Variants in ANGPTL2 observed in about 807,000 individuals in gnomAD.
The protein encoded by ANGPTL2 is angiopoietin like 2.
A neutral mutation model predicts 52.8 loss-of-function variants in ANGPTL2; 25 were observed. The ratio of observed to expected loss-of-function variants is 0.47; its 90% CI spans 0.35 to 0.66. ANGPTL2 has a LOEUF of 0.66. Ranked by LOEUF, ANGPTL2 falls within the 30% of genes least tolerant of loss-of-function variation. The pLI is 0.01. For synonymous variants in ANGPTL2, 276 were observed against 277.4 expected, an observed-to-expected ratio of 1.00 and a Z score of 0.05; for missense variants, 546 against 656.9, an observed-to-expected ratio of 0.83 and a Z score of 1.84.
chr9:127,101,262 C>A (rs752098249), intron 2 of ANGPTL2, among the ~76,000 whole-genome samples: 8 of 152,228 alleles, frequency 5.3e-5, no homozygotes, highest in Non-Finnish European at 7.3e-5. Flanking sequence ...AGCCCCTGCA[C>A]CTGTGAGAAA....
At chr9:127,109,712 A>C (rs958138890) in intron 1 of ANGPTL2, among the ~76,000 whole-genome samples, 1 of 152,254 alleles carries the variant, frequency 6.6e-6, no homozygotes, top group African/African-American at 2.4e-5. Flanking sequence ...CTAGGGATAC[A>C]GCTACCAACA....
intron 1 of ANGPTL2, among the ~76,000 whole-genome samples, chr9:127,118,350 G>A (rs537548864): frequency 6.6e-6 from 1 of 152,330 alleles, no homozygotes; most frequent in Admixed American, 6.5e-5. Flanking sequence ...GGCTTCTGAC[G>A]TGACCAGTGT....
rs868011382 is a variant in ANGPTL2 at position 127,088,315 on chromosome 9, A to G, written c.*624T>C. 2 of 152,252 alleles carry G rather than the reference A, an allele frequency of 1.3e-5. No individual in the cohort carries two copies. The highest frequency in any genetic ancestry group is 6.5e-5 in the Admixed American group (1 of 15,288). 9.4% of individuals were successfully genotyped at this position (152,252 alleles called of 1,614,324 possible). A position where few individuals can be genotyped will look rare whatever the true frequency, so the allele number is the denominator to read the frequency against. Reference sequence around the variant, plus strand: ...GGTTCTTAAGAAGCTGGGAACCTCTATGTGAGAGATTAGCATTGTAGACAT... The same window carrying G: ...GGTTCTTAAGAAGCTGGGAACCTCTGTGTGAGAGATTAGCATTGTAGACAT... On this transcript the variant is annotated 3_prime_UTR_variant, in exon 5 of 5. Transcript: ENST00000373425.
chr9:127,094,029 G>A (rs2052818250), intron 2 of ANGPTL2, 103 bp from the exon 3 acceptor site: 4 of 1,345,974 alleles, frequency 3.0e-6, no homozygotes, highest in Non-Finnish European at 4.1e-6. Context: ...GCTCCAGCTG[G>A]GAGCCACAGG....
intron 1 of ANGPTL2, among the ~76,000 whole-genome samples, chr9:127,119,428 AAAC>A (rs2055810597): frequency 6.6e-6 from 1 of 152,212 alleles, no homozygotes; most frequent in African/African-American, 2.4e-5. Flanking sequence ...TGAGGTGTCT[AAAC>A]AAGGCACTGA....
At chr9:127,110,211 T>C (rs1287424235) in intron 1 of ANGPTL2, among the ~76,000 whole-genome samples, 1 of 152,210 alleles carries the variant, frequency 6.6e-6, no homozygotes, top group East Asian at 1.9e-4. Flanking sequence ...CCCTTCATTC[T>C]AGGTTGCCCT....
In ANGPTL2 at chr9:127,087,634, A is replaced by G. The variant is rs2136287930; in HGVS notation, c.*1305T>C. 6.6e-6 allele frequency: 1 copy of G among 152,510 alleles called. No individual in the cohort carries two copies. The highest frequency in any genetic ancestry group is 1.5e-5 in the Non-Finnish European group (1 of 68,044). The allele number at this position is 152,510 out of a possible 1,614,324, so 9.4% of individuals were successfully genotyped here. On this transcript the variant is annotated 3_prime_UTR_variant, in exon 5 of 5. Transcript: ENST00000373425. ...TGCTGAGGCTGACACTTGGTGGCCAACAGGACTCAGAAAGCCACCATGCTG... is the reference window on the plus strand; with the variant it reads ...TGCTGAGGCTGACACTTGGTGGCCAGCAGGACTCAGAAAGCCACCATGCTG...
At chr9:127,101,511 C>G (rs2053725702) in intron 2 of ANGPTL2, among the ~76,000 whole-genome samples, 2 of 152,200 alleles carry the variant, frequency 1.3e-5, no homozygotes, top group South Asian at 4.1e-4. Flanking sequence ...ATCCTTCACC[C>G]TCCATCCTTC....
intron 2 of ANGPTL2, among the ~76,000 whole-genome samples, chr9:127,098,310 C>T (rs746104264): frequency 7.2e-5 from 11 of 152,312 alleles, no homozygotes; most frequent in South Asian, 2.1e-4. Context: ...TTTAACTTGG[C>T]GCCCCTTCTG....
chr9:127,121,638 C>G (rs191433332), intron 1 of ANGPTL2, among the ~76,000 whole-genome samples: 120 of 152,308 alleles, frequency 7.9e-4, no homozygotes, highest in African/African-American at 2.8e-3. Flanking sequence ...CCCCTGCTGT[C>G]CCCTTGCGGG....
At chr9:127,112,277 C>G (rs1030112270) in intron 1 of ANGPTL2, among the ~76,000 whole-genome samples, 2 of 152,314 alleles carry the variant, frequency 1.3e-5, no homozygotes, top group East Asian at 1.9e-4. Context: ...TCGTTTCCAA[C>G]GGTGCTTTGG....
At position 127,107,967 on chromosome 9, in the gene ANGPTL2, C is replaced by T. The variant is rs2054385874; in HGVS notation, c.765G>A (p.Leu255=). Residue 255 remains leucine, a synonymous_variant, in exon 2 of 5, where the codon CTG becomes CTA. Transcript: ENST00000373425. ...DQNLKVLPPP[L]PTMPTLTSLP... is the part of the protein sequence containing the mutation. ...GGCTGGTGAGAGTGGGCATAGTGGG[C>T]AGAGGGGGTGGCAGCACCTTCAGGT... The T allele has an allele frequency of 1.3e-6, 2 of 1,568,552 alleles. No homozygotes were observed. The highest frequency in any genetic ancestry group is 1.7e-6 in the Non-Finnish European group (2 of 1,151,886).
rs2052467549 is a variant in ANGPTL2, at chr9:127,091,508, A to G, written c.1282+162T>C. 6.6e-6 allele frequency among the ~76,000 whole-genome samples: 1 copy of G among 152,106 alleles called. No individual in the cohort carries two copies. Among genetic ancestry groups the G allele is most frequent in the Admixed American group, 6.5e-5 (1 of 15,282 alleles). On this transcript the variant is annotated intron_variant, in intron 4 of 4. Transcript: ENST00000373425. This position sits in a 1 kb window ranked among gnomAD's most constrained non-coding sequence, Gnocchi z 4.3. ...AGCTTTGTGAAGGGGACCTGTGGGCAGGAGAAGGGACCCTCAGGGGGTGGT... is the reference window on the plus strand; with the variant it reads ...AGCTTTGTGAAGGGGACCTGTGGGCGGGAGAAGGGACCCTCAGGGGGTGGT...
chr9:127,099,415 C>G (rs1039111319), intron 2 of ANGPTL2, among the ~76,000 whole-genome samples: 1 of 152,348 alleles, frequency 6.6e-6, no homozygotes, highest in Middle Eastern at 3.4e-3. Flanking sequence ...AAACATTTTT[C>G]TAACAGGAGA....
chr9:127,098,870 G>A (rs1391351675), intron 2 of ANGPTL2, among the ~76,000 whole-genome samples: 1 of 152,224 alleles, frequency 6.6e-6, no homozygotes, highest in African/African-American at 2.4e-5. Context: ...TGGGTCTGGG[G>A]CAGACCAGCA....
At chr9:127,097,274 T>TA (rs1384289029) in intron 2 of ANGPTL2, among the ~76,000 whole-genome samples, 1 of 152,240 alleles carries the variant, frequency 6.6e-6, no homozygotes, top group East Asian at 1.9e-4. Flanking sequence ...TTTCTTTTTT[T>TA]AAAAAAGGCA....
intron 1 of ANGPTL2, among the ~76,000 whole-genome samples, chr9:127,116,356 G>C (rs2055418865): frequency 6.6e-6 from 1 of 152,004 alleles, no homozygotes; most frequent in Admixed American, 6.5e-5. Flanking sequence ...GGAGCTGGTT[G>C]CCTTTTCCGG....
chr9:127,096,251 C>T (rs775516959), intron 2 of ANGPTL2, among the ~76,000 whole-genome samples: 23 of 152,218 alleles, frequency 1.5e-4, no homozygotes, highest in Non-Finnish European at 3.1e-4. Context: ...GCTGAAGCCC[C>T]AGGGATGGAG....
At chr9:127,120,256 A>G (rs2055907371) in intron 1 of ANGPTL2, among the ~76,000 whole-genome samples, 1 of 152,240 alleles carries the variant, frequency 6.6e-6, no homozygotes, top group African/African-American at 2.4e-5. Flanking sequence ...ATAGGCAGAC[A>G]GGCAGTGCCC....
Sources: gnomAD v4.1 joint callset for allele counts (sites outside exome capture counted in the v4.1 genomes callset) on GRCh38, gnomAD v4.1.1 for gene constraint, Gnocchi (gnomAD v3.1) non-coding constraint, MANE v1.5 for transcripts, NCBI Gene and HGNC (gene_info 2026-07-23, HGNC 2026-07-21) for gene names.